The following LINGO2 variants were observed in gnomAD, a reference collection of about 807,000 sequenced individuals.
The protein encoded by LINGO2 is leucine rich repeat and Ig domain containing 2.
A neutral mutation model predicts 30.6 loss-of-function variants in LINGO2; 14 were observed. The observed-to-expected ratio is 0.46, with a 90% CI of 0.30 to 0.72. LINGO2 has a LOEUF of 0.72. Among genes scored for constraint, LINGO2 ranks in the 30% least tolerant of loss-of-function variants. LINGO2 has a pLI of 0.07. For synonymous variants in LINGO2, 317 were observed against 288.5 expected, an observed-to-expected ratio of 1.10 and a Z score of -1.00; for missense variants, 729 against 751.7, an observed-to-expected ratio of 0.97 and a Z score of 0.35.
chr9:28,967,152 G>C, the LINGO2 span, among the ~76,000 whole-genome samples: 1 of 152,066 alleles, frequency 6.6e-6, no homozygotes, highest in African/African-American at 2.4e-5. Flanking sequence ...AGCACCCCTA[G>C]AGCTGAGTCC....
intron 1 of LINGO2, among the ~76,000 whole-genome samples, chr9:28,659,665 TC>T (rs1162593412): frequency 6.6e-6 from 1 of 152,066 alleles, no homozygotes; most frequent in Non-Finnish European, 1.5e-5. Context: ...CCCAGGCTGA[TC>T]TTAAACTCCT....
chr9:29,205,878 C>T, the LINGO2 span, among the ~76,000 whole-genome samples: 60 of 152,312 alleles, frequency 3.9e-4, no homozygotes, highest in Admixed American at 6.5e-4. Flanking sequence ...TGTGCCCATA[C>T]GCAGTCACTC....
chr9:28,949,320 T>C, the LINGO2 span, among the ~76,000 whole-genome samples: 1 of 151,958 alleles, frequency 6.6e-6, no homozygotes, highest in Non-Finnish European at 1.5e-5. Context: ...ATCCAGGAGC[T>C]GGGTTTTTGA....
intron 3 of LINGO2, among the ~76,000 whole-genome samples, chr9:28,320,117 C>T (rs1407469147): frequency 1.3e-5 from 2 of 152,122 alleles, no homozygotes; most frequent in East Asian, 1.9e-4. Context: ...TTCCATCACA[C>T]GTCAGTTGTT....
At chr9:28,986,713 C>T in the LINGO2 span, among the ~76,000 whole-genome samples, 5 of 151,902 alleles carry the variant, frequency 3.3e-5, no homozygotes, top group Admixed American at 2.6e-4. Context: ...ACCTAAACTG[C>T]CAAACATCAT....
chr9:28,748,288 A>G, the LINGO2 span, among the ~76,000 whole-genome samples: 1 of 152,058 alleles, frequency 6.6e-6, no homozygotes. Flanking sequence ...TGTTTAACAT[A>G]GCCTACATTT....
At chr9:28,038,520 A>C (rs1002030860) in intron 4 of LINGO2, among the ~76,000 whole-genome samples, 44 of 152,140 alleles carry the variant, frequency 2.9e-4, no homozygotes, top group South Asian at 6.2e-4. Flanking sequence ...GGTGAAACCC[A>C]GTCTCTACTA....
chr9:27,952,101 G>C (rs1819342690), intron 5 of LINGO2, among the ~76,000 whole-genome samples: 1 of 151,826 alleles, frequency 6.6e-6, no homozygotes, highest in Admixed American at 6.6e-5. Flanking sequence ...TGTCTATCAT[G>C]GAAACCAATG....
chr9:28,489,896 CAA>C (rs36068240), intron 1 of LINGO2, among the ~76,000 whole-genome samples: 788 of 66,876 alleles, frequency 0.012, 4 homozygotes, highest in African/African-American at 0.031. Flanking sequence ...GACTTTGTCT[CAA>C]AAAAAAAAAA....
chr9:28,785,283 G>T, the LINGO2 span, among the ~76,000 whole-genome samples: 1 of 152,070 alleles, frequency 6.6e-6, no homozygotes, highest in Non-Finnish European at 1.5e-5. Context: ...ATGACATCAA[G>T]GCATCATTGA....
chr9:28,045,372 G>C (rs532431863), intron 4 of LINGO2, among the ~76,000 whole-genome samples: 1 of 152,260 alleles, frequency 6.6e-6, no homozygotes, highest in African/African-American at 2.4e-5. Flanking sequence ...ATTATGAATT[G>C]TCAAGTTTTC....
chr9:28,716,210 C>T, the LINGO2 span, among the ~76,000 whole-genome samples: 2 of 151,192 alleles, frequency 1.3e-5, no homozygotes, highest in African/African-American at 4.9e-5. Context: ...AATGCGATGG[C>T]TCCTTCCACA....
intron 4 of LINGO2, among the ~76,000 whole-genome samples, chr9:28,126,902 A>G (rs1827251100): frequency 6.6e-6 from 1 of 152,350 alleles, no homozygotes; most frequent in African/African-American, 2.4e-5. Context: ...GTTCTTCTTC[A>G]TGAAAGCATT....
chr9:28,539,496 C>G (rs1377126862), intron 1 of LINGO2, among the ~76,000 whole-genome samples: 1 of 150,206 alleles, frequency 6.7e-6, no homozygotes, highest in Non-Finnish European at 1.5e-5. Context: ...GAAATTTTAG[C>G]AAAATAAAAA....
intron 4 of LINGO2, among the ~76,000 whole-genome samples, chr9:28,037,954 C>G (rs1250050608): frequency 1.3e-5 from 2 of 152,160 alleles, no homozygotes; most frequent in Admixed American, 6.5e-5. Context: ...GATAAGGAAG[C>G]TGAGGCATAA....
At chr9:28,955,420 G>C in the LINGO2 span, among the ~76,000 whole-genome samples, 1 of 152,126 alleles carries the variant, frequency 6.6e-6, no homozygotes, top group African/African-American at 2.4e-5. Context: ...CTTGCATGTG[G>C]ATTAGGAAGA....
At chr9:28,449,839 A>G (rs180876233) in intron 2 of LINGO2, among the ~76,000 whole-genome samples, 2 of 152,178 alleles carry the variant, frequency 1.3e-5, no homozygotes, top group Admixed American at 1.3e-4. Flanking sequence ...GACACCATCC[A>G]CTGAGACTTG....
intron 5 of LINGO2, among the ~76,000 whole-genome samples, chr9:27,962,952 C>A (rs1374313102): frequency 6.6e-6 from 1 of 152,072 alleles, no homozygotes; most frequent in Non-Finnish European, 1.5e-5. Flanking sequence ...TTACATTTTT[C>A]GTATGCTGGG....
intron 5 of LINGO2, among the ~76,000 whole-genome samples, chr9:27,969,046 A>AAG (rs1820233825): frequency 6.6e-6 from 1 of 152,004 alleles, no homozygotes; most frequent in Non-Finnish European, 1.5e-5. Context: ...ATACATGCTA[A>AAG]TTATCCTCTT....
Sources: gnomAD v4.1 joint callset for allele counts (sites outside exome capture counted in the v4.1 genomes callset) on GRCh38, gnomAD v4.1.1 for gene constraint, MANE v1.5 for transcripts, NCBI Gene and HGNC (gene_info 2026-07-23, HGNC 2026-07-21) for gene names.